Variants in CDH18 observed in about 807,000 individuals in gnomAD.
CDH18 encodes cadherin 18, also known as cadherin-18.
A neutral mutation model predicts 67.9 loss-of-function variants in CDH18; 31 were observed. That is an observed-to-expected ratio of 0.46 (90% CI 0.34 to 0.62). CDH18 has a LOEUF of 0.62. Ranked by LOEUF, CDH18 falls within the 20% of genes least tolerant of loss-of-function variation. CDH18 has a pLI of 0.01. For synonymous variants in CDH18, 362 were observed against 347.2 expected (o/e 1.04, Z -0.48); for missense variants, 890 against 975.5 (o/e 0.91, Z 1.17).
At chr5:19,835,219 C>G (rs1781487802) in intron 3 of CDH18, among the ~76,000 whole-genome samples, 1 of 152,052 alleles carries the variant, frequency 6.6e-6, no homozygotes, top group South Asian at 2.1e-4. Context: ...ATGTCCTTTG[C>G]AGGGACATGG....
chr5:19,592,548 G>A (rs1020672154), intron 6 of CDH18, among the ~76,000 whole-genome samples: 10 of 151,994 alleles, frequency 6.6e-5, no homozygotes, highest in Non-Finnish European at 1.5e-4. Flanking sequence ...AGACTATATA[G>A]ATAAGTGAAT....
chr5:19,808,315 C>CA (rs1419410371), intron 3 of CDH18, among the ~76,000 whole-genome samples: 2 of 138,732 alleles, frequency 1.4e-5, no homozygotes, highest in Non-Finnish European at 1.6e-5. Flanking sequence ...AAAACAACAA[C>CA]AACAAAAAAA....
chr5:19,716,859 A>G (rs1038168835), intron 5 of CDH18, among the ~76,000 whole-genome samples: 1 of 152,260 alleles, frequency 6.6e-6, no homozygotes. Context: ...GCTATATTTT[A>G]TAAATAAATA....
At chr5:19,514,279 T>A (rs1745588872) in intron 10 of CDH18, among the ~76,000 whole-genome samples, 1 of 152,230 alleles carries the variant, frequency 6.6e-6, no homozygotes, top group Non-Finnish European at 1.5e-5. Flanking sequence ...AAGTCTTTGC[T>A]ATTGTGAATA....
intron 11 of CDH18, 105 bp from the exon 12 acceptor site, chr5:19,483,657 G>T: frequency 8.1e-7 from 1 of 1,236,054 alleles, no homozygotes; most frequent in Non-Finnish European, 1.1e-6. Context: ...TCTTGTTTCA[G>T]TTTATGAAAT....
rs902692838 is a variant in CDH18 at position 20,193,408 on chromosome 5, G to C, written c.-518+62036C>G. Reference sequence around the variant, plus strand: ...CAGGAAGAAGCTGAATCCCTGAATAGAACAATAACAAATTCTGAAAATGAG... The same window carrying C: ...CAGGAAGAAGCTGAATCCCTGAATACAACAATAACAAATTCTGAAAATGAG... On this transcript the variant is annotated intron_variant, in intron 2 of 14. Transcript: ENST00000507958. Among the ~76,000 whole-genome samples, 56 of 151,964 alleles carry C rather than the reference G, an allele frequency of 3.7e-4. 1 individual carries two copies. Among genetic ancestry groups the C allele is most frequent in the African/African-American group, 1.3e-3 (53 of 41,474 alleles).
intron 1 of CDH18, among the ~76,000 whole-genome samples, chr5:20,288,164 A>G (rs1367636348): frequency 1.3e-5 from 2 of 151,748 alleles, no homozygotes; most frequent in Non-Finnish European, 3.0e-5. Flanking sequence ...CTACTTTGCA[A>G]TATAAAAAGA....
At chr5:19,622,910 C>T (rs1052546459) in intron 5 of CDH18, among the ~76,000 whole-genome samples, 2 of 152,160 alleles carry the variant, frequency 1.3e-5, no homozygotes, top group Non-Finnish European at 2.9e-5. Context: ...TTCCTGGCTT[C>T]CAAAATTCTT....
At chr5:20,518,033 A>G (rs1020004794) in intron 1 of CDH18, among the ~76,000 whole-genome samples, 6 of 151,918 alleles carry the variant, frequency 3.9e-5, no homozygotes, top group Non-Finnish European at 7.4e-5. Context: ...CCTTTCCCCT[A>G]TAAGCAACCA....
chr5:19,550,510 G>C (rs576305721), intron 8 of CDH18, among the ~76,000 whole-genome samples: 2 of 151,766 alleles, frequency 1.3e-5, no homozygotes, highest in East Asian at 1.9e-4. Flanking sequence ...AAGAACATGC[G>C]GTGTTTGGTT....
chr5:19,844,603 T>C (rs1456826572), intron 2 of CDH18, among the ~76,000 whole-genome samples: 1 of 152,180 alleles, frequency 6.6e-6, no homozygotes, highest in East Asian at 1.9e-4. Context: ...TTTCTTTCTA[T>C]ATCCTTTCAT....
intron 2 of CDH18, among the ~76,000 whole-genome samples, chr5:20,049,714 A>G (rs903428323): frequency 2.6e-5 from 4 of 151,730 alleles, no homozygotes; most frequent in Non-Finnish European, 5.9e-5. Context: ...GTATACCCCT[A>G]TAAACCATCC....
At chr5:20,303,006 A>C (rs1236101515) in intron 1 of CDH18, among the ~76,000 whole-genome samples, 3 of 151,456 alleles carry the variant, frequency 2.0e-5, no homozygotes, top group Admixed American at 2.0e-4. Flanking sequence ...AAAAAAGTAA[A>C]AATATTTCAG....
intron 12 of CDH18, among the ~76,000 whole-genome samples, chr5:19,475,694 A>G (rs1269852446): frequency 6.6e-6 from 1 of 152,072 alleles, no homozygotes; most frequent in Non-Finnish European, 1.5e-5. Context: ...TATGTTATAT[A>G]TACACATACA....
chr5:20,530,675 G>C (rs1300522473), intron 1 of CDH18, among the ~76,000 whole-genome samples: 1 of 152,056 alleles, frequency 6.6e-6, no homozygotes, highest in African/African-American at 2.4e-5. Context: ...GGGAAAACTG[G>C]CTAGCCATAA....
At chr5:19,967,554 G>C (rs558469022) in intron 2 of CDH18, among the ~76,000 whole-genome samples, 3 of 152,176 alleles carry the variant, frequency 2.0e-5, no homozygotes, top group Non-Finnish European at 2.9e-5. Flanking sequence ...AAAACAATTT[G>C]TGACTGATTC....
chr5:20,505,427 T>G (rs1413292520), intron 1 of CDH18, among the ~76,000 whole-genome samples: 1 of 152,174 alleles, frequency 6.6e-6, no homozygotes, highest in African/African-American at 2.4e-5. Flanking sequence ...TTAAATTTTC[T>G]TTCTTTTTTT....
rs141331760 is a variant in CDH18 at position 20,034,949 on chromosome 5, G to T, written c.-517-42935C>A. Among the ~76,000 whole-genome samples, 404 of 152,130 alleles carry T rather than the reference G, an allele frequency of 2.7e-3. 1 individual carries two copies. The highest frequency in any genetic ancestry group is 9.2e-3 in the African/African-American group (383 of 41,518). On this transcript the variant is annotated intron_variant, in intron 2 of 14. Transcript: ENST00000507958. ...TTCCTTCCAGGAACTTTATATTAAA[G>T]CATGTAAGGTTGACTTGCATAACCA...
At position 19,564,831 on chromosome 5, in the gene CDH18, C is replaced by A. The variant is rs571058526; in HGVS notation, c.1253+6748G>T. Among the ~76,000 whole-genome samples the A allele has an allele frequency of 7.9e-5, 12 of 150,948 alleles. No homozygotes were observed. The South Asian group carries it at 2.5e-3, about 32-fold the overall frequency. On this transcript the variant is annotated intron_variant, in intron 8 of 12. Transcript: ENST00000382275. ...CTGCCCTGGGCTAGAGTGGAGCTAA[C>A]TGCCCTGAAGGAAGAGACTCAGTCC...
Sources: allele counts gnomAD v4.1 joint callset (sites outside exome capture counted in the v4.1 genomes callset), GRCh38; gene constraint gnomAD v4.1.1; transcripts MANE v1.5; gene names NCBI Gene and HGNC (gene_info 2026-07-23, HGNC 2026-07-21).